Variants in CHLSN observed in about 807,000 individuals in gnomAD.
CHLSN encodes the protein protein cholesin.
At chr7:1,065,088 G>T in the CHLSN span, among the ~76,000 whole-genome samples, 1 of 152,156 alleles carries the variant, frequency 6.6e-6, no homozygotes, top group Non-Finnish European at 1.5e-5. Flanking sequence ...TGAGGCCCTG[G>T]GCAGGAGGAA....
chr7:1,065,800 G>A, the CHLSN span, among the ~76,000 whole-genome samples: 2 of 152,222 alleles, frequency 1.3e-5, no homozygotes, highest in East Asian at 3.8e-4. Flanking sequence ...AGCATCTCAT[G>A]GGAAAGGGAC....
chr7:1,095,093 G>A, the CHLSN span, among the ~76,000 whole-genome samples: 6 of 151,612 alleles, frequency 4.0e-5, no homozygotes, highest in South Asian at 6.2e-4. Flanking sequence ...ACTCAGGCCC[G>A]GCGCACCCCT....
At chr7:1,029,327 T>C in the CHLSN span, among the ~76,000 whole-genome samples, 1 of 152,182 alleles carries the variant, frequency 6.6e-6, no homozygotes, top group Non-Finnish European at 1.5e-5. Context: ...AGGGTCTCAC[T>C]ACGTTGCCCA....
At chr7:998,389 C>T in the CHLSN span, among the ~76,000 whole-genome samples, 14 of 151,560 alleles carry the variant, frequency 9.2e-5, no homozygotes, top group South Asian at 2.1e-4. Context: ...GACTTGCAAA[C>T]GTCTCCCATT....
At chr7:1,084,024 T>C in the CHLSN span, among the ~76,000 whole-genome samples, 1 of 152,228 alleles carries the variant, frequency 6.6e-6, no homozygotes, top group Non-Finnish European at 1.5e-5. Context: ...ATGGAACAGA[T>C]GGAAGACATG....
At chr7:1,095,979 G>A in the CHLSN span, among the ~76,000 whole-genome samples, 2 of 152,226 alleles carry the variant, frequency 1.3e-5, no homozygotes, top group Non-Finnish European at 2.9e-5. Flanking sequence ...CCCTTAAGGT[G>A]ATCTGGGTGG....
At chr7:1,005,154 G>A in the CHLSN span, among the ~76,000 whole-genome samples, 1 of 152,208 alleles carries the variant, frequency 6.6e-6, no homozygotes, top group South Asian at 2.1e-4. Flanking sequence ...AGCCGGGCGT[G>A]GTGTCGGATG....
the CHLSN span, among the ~76,000 whole-genome samples, chr7:1,130,871 C>T: frequency 6.6e-6 from 1 of 152,270 alleles, no homozygotes; most frequent in East Asian, 1.9e-4. Context: ...CCAGGGAACA[C>T]CCAGAAAGCC....
chr7:1,050,687 G>A, the CHLSN span, among the ~76,000 whole-genome samples: 1 of 152,214 alleles, frequency 6.6e-6, no homozygotes, highest in South Asian at 2.1e-4. Context: ...ATCGCAGTCG[G>A]AGCCCAGCAC....
At chr7:1,015,527 T>C in the CHLSN span, among the ~76,000 whole-genome samples, 1 of 152,230 alleles carries the variant, frequency 6.6e-6, no homozygotes, top group Non-Finnish European at 1.5e-5. Flanking sequence ...CAGACCTTCC[T>C]GTTTCCCCCC....
At chr7:982,763 C>T in the CHLSN span, among the ~76,000 whole-genome samples, 11 of 152,228 alleles carry the variant, frequency 7.2e-5, no homozygotes, top group Non-Finnish European at 1.6e-4. Flanking sequence ...GAGAGGCCTG[C>T]AAACCCTGAG....
the CHLSN span, among the ~76,000 whole-genome samples, chr7:1,104,048 C>T: frequency 6.6e-6 from 1 of 152,250 alleles, no homozygotes; most frequent in Admixed American, 6.5e-5. Flanking sequence ...TAGCACCCAC[C>T]AGGCTCTGCC....
chr7:980,676 AAC>A, the CHLSN span, among the ~76,000 whole-genome samples: 2 of 147,036 alleles, frequency 1.4e-5, no homozygotes, highest in Admixed American at 7.1e-5. Flanking sequence ...ATTCCCCAGT[AAC>A]AGTTACTTTT....
chr7:1,064,290 G>A, the CHLSN span, among the ~76,000 whole-genome samples: 1 of 152,154 alleles, frequency 6.6e-6, no homozygotes, highest in African/African-American at 2.4e-5. Flanking sequence ...CAGGCCCTTA[G>A]CAGCCACAGA....
chr7:984,492 CAA>C, the CHLSN span: 2 of 1,552,684 alleles, frequency 1.3e-6, no homozygotes, highest in Non-Finnish European at 1.7e-6. Flanking sequence ...TCGAGGCGGT[CAA>C]AGAGGCGCTG....
At chr7:1,091,779 C>A in the CHLSN span, 1 of 1,575,276 alleles carries the variant, frequency 6.3e-7, no homozygotes, top group Non-Finnish European at 8.6e-7. Context: ...TGTACCCAGG[C>A]ACCGCGCAGC....
At chr7:1,070,691 T>A in the CHLSN span, among the ~76,000 whole-genome samples, 35 of 122,190 alleles carry the variant, frequency 2.9e-4, no homozygotes, top group Non-Finnish European at 4.9e-4. Context: ...ACGATACACA[T>A]GCACACGCGA....
the CHLSN span, chr7:1,138,073 C>A: frequency 6.7e-6 from 1 of 150,048 alleles, no homozygotes; most frequent in East Asian, 2.0e-4. Flanking sequence ...CGCGCCGCGC[C>A]GGGCCTCCGC....
At chr7:1,070,790 C>T in the CHLSN span, among the ~76,000 whole-genome samples, 3 of 144,106 alleles carry the variant, frequency 2.1e-5, no homozygotes, top group Non-Finnish European at 3.0e-5. Flanking sequence ...CACACGGACA[C>T]GCACGTGCAC....
Sources: gnomAD v4.1 joint callset for allele counts (sites outside exome capture counted in the v4.1 genomes callset) on GRCh38, gnomAD v4.1.1 for gene constraint, MANE v1.5 for transcripts, NCBI Gene and HGNC (gene_info 2026-07-23, HGNC 2026-07-21) for gene names.